Variants in PALS2 observed in about 807,000 individuals in gnomAD.
PALS2 encodes the protein protein PALS2.
PALS2 carries 27 observed loss-of-function variants against 61.6 expected under a neutral mutation model. The observed-to-expected ratio is 0.44, with a 90% confidence interval of 0.32 to 0.60. The LOEUF (loss-of-function observed/expected upper bound fraction) is 0.60. Ranked by LOEUF, PALS2 falls within the 20% of genes least tolerant of loss-of-function variation. PALS2 has a pLI of 0.05. For synonymous variants in PALS2, 236 were observed against 218.6 expected, an observed-to-expected ratio of 1.08 and a Z score of -0.70; for missense variants, 554 against 639.4, an observed-to-expected ratio of 0.87 and a Z score of 1.44.
At chr7:24,580,695 A>G (rs1029470716) in intron 1 of PALS2, among the ~76,000 whole-genome samples, 2 of 150,644 alleles carry the variant, frequency 1.3e-5, no homozygotes, top group Non-Finnish European at 2.9e-5. Context: ...CACTCATCAC[A>G]TGAGTAGATG....
In PALS2 at chr7:24,688,175, AT is replaced by A. The variant is rs2128038816; in HGVS notation, c.*565del. The stretch of plus-strand genomic sequence containing the variant: ...CATCAAAAGTCTGATCAGTTTACGT[AT>A]TTTCATTATTTCGGAGATGTATGGC... On this transcript the variant is annotated 3_prime_UTR_variant, in exon 12 of 12. Coordinates refer to ENST00000222644, the MANE Select transcript of PALS2 (RefSeq NM_001303037.2). The A allele has an allele frequency of 6.6e-6, 1 of 152,258 alleles. No individual in the cohort carries two copies. Among genetic ancestry groups the A allele is most frequent in the East Asian group, 1.9e-4 (1 of 5,180 alleles). The allele number at this position is 152,258 out of a possible 1,614,324, so 9.4% of individuals were successfully genotyped here.
intron 1 of PALS2, among the ~76,000 whole-genome samples, chr7:24,578,904 T>A (rs750746428): frequency 6.6e-6 from 1 of 152,220 alleles, no homozygotes; most frequent in Non-Finnish European, 1.5e-5. Context: ...CCTGGAGATA[T>A]AGAAAAGAAA....
At chr7:24,605,581 G>A (rs997280531) in intron 1 of PALS2, among the ~76,000 whole-genome samples, 9 of 151,756 alleles carry the variant, frequency 5.9e-5, no homozygotes, top group Admixed American at 1.3e-4. Context: ...AAATATGTAA[G>A]AATAGGTCTA....
At chr7:24,619,160 C>T (rs1784400120) in intron 1 of PALS2, among the ~76,000 whole-genome samples, 1 of 152,120 alleles carries the variant, frequency 6.6e-6, no homozygotes, top group South Asian at 2.1e-4. Context: ...TACTTTCCTG[C>T]TCTTTGCCCT....
intron 5 of PALS2, among the ~76,000 whole-genome samples, chr7:24,662,372 G>A (rs1371575417): frequency 6.6e-6 from 1 of 152,192 alleles, no homozygotes; most frequent in East Asian, 1.9e-4. Context: ...TTGACTAATT[G>A]TGTACTTTCT....
At chr7:24,629,714 G>C (rs2128061733) in intron 2 of PALS2, among the ~76,000 whole-genome samples, 1 of 152,196 alleles carries the variant, frequency 6.6e-6, no homozygotes, top group East Asian at 1.9e-4. Flanking sequence ...GCAGCCAGCA[G>C]ACACATGAAA....
chr7:24,604,108 G>A (rs2128048741), intron 1 of PALS2, among the ~76,000 whole-genome samples: 1 of 151,932 alleles, frequency 6.6e-6, no homozygotes, highest in Non-Finnish European at 1.5e-5. Context: ...CTACACAGGA[G>A]GCTGAGGTGG....
chr7:24,637,296 C>CTTTTT (rs35499781), intron 2 of PALS2, among the ~76,000 whole-genome samples: 3 of 109,514 alleles, frequency 2.7e-5, no homozygotes, highest in Non-Finnish European at 3.8e-5. Flanking sequence ...ACTTACTCAT[C>CTTTTT]TTTTTTTTTT....
intron 2 of PALS2, among the ~76,000 whole-genome samples, chr7:24,640,787 T>C (rs1785495377): frequency 6.6e-6 from 1 of 151,896 alleles, no homozygotes; most frequent in South Asian, 2.1e-4. Context: ...GGCGGGTGGA[T>C]CACGAGGTCA....
chr7:24,648,898 C>T (rs1785986390), intron 3 of PALS2, among the ~76,000 whole-genome samples: 1 of 140,184 alleles, frequency 7.1e-6, no homozygotes, highest in Non-Finnish European at 1.5e-5. Context: ...GAGTGAGACT[C>T]TGTCTCAAAA....
intron 1 of PALS2, among the ~76,000 whole-genome samples, chr7:24,577,510 T>G (rs572926775): frequency 2.6e-5 from 4 of 152,262 alleles, no homozygotes; most frequent in African/African-American, 9.6e-5. Context: ...TTGTACATGA[T>G]TTAATCCCTC....
chr7:24,596,006 T>G lies in PALS2; in HGVS notation c.-3+22413T>G, dbSNP rs942631463. ...GACAAAGGGAAAGAGTTGGAGAAGT[T>G]GAACGCAGAGAGGTACAGTGGGTGA... On this transcript the variant is annotated intron_variant, in intron 1 of 11. Coordinates refer to ENST00000222644, the MANE Select transcript of PALS2 (RefSeq NM_001303037.2). This position sits in a 1 kb window ranked among gnomAD's most constrained non-coding sequence, Gnocchi z 4.5. Among the ~76,000 whole-genome samples, 1 of 151,690 alleles carries G rather than the reference T, an allele frequency of 6.6e-6. No homozygotes were observed. The highest frequency in any genetic ancestry group is 1.5e-5 in the Non-Finnish European group (1 of 67,922).
intron 8 of PALS2, among the ~76,000 whole-genome samples, chr7:24,666,616 T>G (rs1787030933): frequency 6.6e-6 from 1 of 152,152 alleles, no homozygotes; most frequent in African/African-American, 2.4e-5. Context: ...GGTAACTATA[T>G]GAGGTGATGG....
At chr7:24,677,369 C>A (rs2128029734) in intron 9 of PALS2, among the ~76,000 whole-genome samples, 1 of 152,220 alleles carries the variant, frequency 6.6e-6, no homozygotes, top group African/African-American at 2.4e-5. Flanking sequence ...TTATTTCCTT[C>A]TCTTGCCTAA....
chr7:24,679,082 T>C, intron 9 of PALS2, 49 bp from the exon 10 acceptor site: 5 of 1,551,582 alleles, frequency 3.2e-6, no homozygotes, highest in Non-Finnish European at 3.6e-6. Context: ...GTCTATTTTT[T>C]ATGCCCTAAA....
rs940508797 is a variant in PALS2 at position 24,596,938 on chromosome 7, T to G, written c.-3+23345T>G. Among the ~76,000 whole-genome samples the G allele has an allele frequency of 6.6e-6, 1 of 152,094 alleles. No homozygotes were observed. Among genetic ancestry groups the G allele is most frequent in the Non-Finnish European group, 1.5e-5 (1 of 68,034 alleles). The stretch of plus-strand genomic sequence containing the variant: ...TGTGGTGAAGATTACTTTGAGACTT[T>G]TATGAAGTAGAATGAAAAGATTTGA... On this transcript the variant is annotated intron_variant, in intron 1 of 11. Transcript: ENST00000222644. This position sits in a 1 kb window ranked among gnomAD's most constrained non-coding sequence, Gnocchi z 4.5.
chr7:24,681,613 T>C (rs1343963727), intron 11 of PALS2, among the ~76,000 whole-genome samples: 3 of 151,730 alleles, frequency 2.0e-5, no homozygotes, highest in Non-Finnish European at 4.4e-5. Flanking sequence ...GTCACCTAAA[T>C]CTTTTGCCAG....
chr7:24,661,821 A>T (rs1297321398), intron 5 of PALS2, among the ~76,000 whole-genome samples: 5 of 152,158 alleles, frequency 3.3e-5, no homozygotes, highest in Non-Finnish European at 7.4e-5. Flanking sequence ...TTATTTATGC[A>T]ATTACAAATA....
At chr7:24,677,537 A>G (rs1016316614) in intron 9 of PALS2, among the ~76,000 whole-genome samples, 20 of 151,756 alleles carry the variant, frequency 1.3e-4, no homozygotes, top group African/African-American at 3.4e-4. Context: ...TTATTTTGAG[A>G]TACGTCCCAT....
Sources: allele counts gnomAD v4.1 joint callset (sites outside exome capture counted in the v4.1 genomes callset), GRCh38; gene constraint gnomAD v4.1.1; non-coding constraint Gnocchi (gnomAD v3.1); transcripts MANE v1.5; gene names NCBI Gene and HGNC (gene_info 2026-07-23, HGNC 2026-07-21).